The following SHANK2 variants were observed in gnomAD, a reference collection of about 807,000 sequenced individuals.
SHANK2 encodes SH3 and multiple ankyrin repeat domains protein 2.
SHANK2 carries 43 observed loss-of-function variants against 133.7 expected under a neutral mutation model. The ratio of observed to expected loss-of-function variants is 0.32; its 90% CI spans 0.25 to 0.41. The LOEUF (loss-of-function observed/expected upper bound fraction) is 0.41, where lower values mean the gene tolerates loss of function less well. Ranked by LOEUF, SHANK2 falls within the 10% of genes least tolerant of loss-of-function variation. The probability of loss-of-function intolerance (pLI) is 1.00; values close to 1 mark genes in which losing one functional copy is unlikely to be tolerated. For missense variants in SHANK2, 1,994 were observed against 2,235.8 expected (o/e 0.89, Z 2.18); for synonymous variants, 1,017 against 952.8 (o/e 1.07, Z -1.24).
intron 11 of SHANK2, among the ~76,000 whole-genome samples, chr11:70,878,361 C>A (rs1450343423): frequency 6.6e-6 from 1 of 152,216 alleles, no homozygotes; most frequent in African/African-American, 2.4e-5. Context: ...CCCTAACTTC[C>A]CCTCCACATA....
At chr11:70,531,308 G>C (rs1340114843) in intron 17 of SHANK2, among the ~76,000 whole-genome samples, 1 of 152,216 alleles carries the variant, frequency 6.6e-6, no homozygotes, top group East Asian at 1.9e-4. Flanking sequence ...GCCTCTCTGG[G>C]CCTTTGCATC....
At chr11:70,756,116 G>A (rs934719023) in intron 14 of SHANK2, among the ~76,000 whole-genome samples, 9 of 152,052 alleles carry the variant, frequency 5.9e-5, no homozygotes, top group Non-Finnish European at 8.8e-5. Flanking sequence ...TGCAGCCCCC[G>A]TGCGAGCAGG....
chr11:71,101,754 A>G (rs1264270379), intron 6 of SHANK2, among the ~76,000 whole-genome samples: 4 of 152,206 alleles, frequency 2.6e-5, no homozygotes, highest in Non-Finnish European at 5.9e-5. Context: ...TGCTCAGTGC[A>G]CTGGGACCCA....
chr11:70,589,880 A>G (rs7928724), intron 17 of SHANK2, among the ~76,000 whole-genome samples: 117,949 of 152,134 alleles, frequency 0.78, 45,932 homozygotes, highest in East Asian at 0.93. Context: ...CTGGCCGGGC[A>G]CGGTGGCTCA....
intron 15 of SHANK2, among the ~76,000 whole-genome samples, chr11:70,676,539 A>G (rs1023302861): frequency 1.3e-5 from 2 of 152,214 alleles, no homozygotes; most frequent in Admixed American, 6.5e-5. Flanking sequence ...TGCCCGTGCA[A>G]TGGATGCTAG....
chr11:70,628,296 T>TCAA (rs2136503987), intron 17 of SHANK2, among the ~76,000 whole-genome samples: 1 of 152,256 alleles, frequency 6.6e-6, no homozygotes, highest in East Asian at 1.9e-4. Flanking sequence ...ATCCACAGGT[T>TCAA]AGGCTGGGAG....
At chr11:71,093,149 C>T (rs913232842) in intron 7 of SHANK2, among the ~76,000 whole-genome samples, 4 of 150,932 alleles carry the variant, frequency 2.7e-5, no homozygotes, top group East Asian at 2.0e-4. Flanking sequence ...ATTTGGGAGA[C>T]GAGGAGACCT....
intron 4 of SHANK2, 108 bp downstream of exon 4, chr11:71,118,721 C>T: frequency 3.1e-6 from 3 of 957,198 alleles, no homozygotes; most frequent in Non-Finnish European, 4.5e-6. Flanking sequence ...GGGATAATTT[C>T]CCAATGCAAA....
chr11:70,754,439 G>C (rs896277103), intron 14 of SHANK2, among the ~76,000 whole-genome samples: 2 of 152,186 alleles, frequency 1.3e-5, no homozygotes, highest in Non-Finnish European at 2.9e-5. Flanking sequence ...GGAGTGCAAG[G>C]CTGGTTCAAT....
chr11:70,636,187 G>A (rs556138925), intron 17 of SHANK2, among the ~76,000 whole-genome samples: 2 of 152,394 alleles, frequency 1.3e-5, no homozygotes, highest in South Asian at 2.1e-4. Context: ...GAGTATATGC[G>A]TGAGCATGTG....
Position 70,882,163 on chromosome 11 carries a change from T to TGGA in SHANK2, c.1174+14335_1174+14337dup, listed in dbSNP as rs1255657571. The stretch of plus-strand genomic sequence containing the variant: ...ATGCTGGCAGGTGAGACAAACAGCA[T>TGGA]GGAGGAGGAGGAGGAGGGAGGGAGT... On this transcript the variant is annotated intron_variant, in intron 11 of 25. Transcript: ENST00000601538. The surrounding 1 kb of genome is among the most constrained non-coding windows in gnomAD (Gnocchi z 4.2). 2.2e-4 allele frequency among the ~76,000 whole-genome samples: 34 copies of TGGA among 151,444 alleles called. No homozygotes were observed. The highest frequency in any genetic ancestry group is 4.9e-4 in the African/African-American group (20 of 41,168).
chr11:70,657,976 C>G (rs1265848890), intron 17 of SHANK2, among the ~76,000 whole-genome samples: 1 of 152,188 alleles, frequency 6.6e-6, no homozygotes, highest in African/African-American at 2.4e-5. Context: ...GGCCCACACA[C>G]GTGCCTCAGC....
chr11:70,756,929 C>T (rs892060694), intron 14 of SHANK2, among the ~76,000 whole-genome samples: 39 of 152,148 alleles, frequency 2.6e-4, no homozygotes, highest in African/African-American at 8.0e-4. Flanking sequence ...ACCCAGGCTC[C>T]AAACCTCCTG....
At chr11:71,208,766 G>A (rs1555118420) in intron 2 of SHANK2, among the ~76,000 whole-genome samples, 1 of 152,154 alleles carries the variant, frequency 6.6e-6, no homozygotes, top group Non-Finnish European at 1.5e-5. Flanking sequence ...GGCTTAACAA[G>A]AGAGTCTAGG....
intron 15 of SHANK2, among the ~76,000 whole-genome samples, chr11:70,664,560 A>G (rs1305988285): frequency 6.6e-6 from 1 of 152,142 alleles, no homozygotes; most frequent in Non-Finnish European, 1.5e-5. Flanking sequence ...GATCAAGTCC[A>G]TCTCCACCCA....
At chr11:70,813,024 A>G (rs782615808) in intron 12 of SHANK2, among the ~76,000 whole-genome samples, 1 of 152,110 alleles carries the variant, frequency 6.6e-6, no homozygotes, top group Non-Finnish European at 1.5e-5. Context: ...AGTCAGTTAC[A>G]CATTCATTCA....
At chr11:71,072,531 T>C (rs1951157256) in intron 9 of SHANK2, among the ~76,000 whole-genome samples, 2 of 152,202 alleles carry the variant, frequency 1.3e-5, no homozygotes, top group South Asian at 4.1e-4. Context: ...AGGTTCCACT[T>C]GTGGGCATTT....
intron 11 of SHANK2, among the ~76,000 whole-genome samples, chr11:70,847,260 C>G (rs1488217112): frequency 6.6e-6 from 1 of 152,224 alleles, no homozygotes; most frequent in African/African-American, 2.4e-5. Flanking sequence ...GGCCGTCCCT[C>G]CTGCCCACTC....
chr11:70,543,883 T>G (rs1486963602), intron 17 of SHANK2, among the ~76,000 whole-genome samples: 6 of 152,184 alleles, frequency 3.9e-5, no homozygotes, highest in Non-Finnish European at 8.8e-5. Flanking sequence ...TGAATTGAAT[T>G]AGGGGCACCT....
Sources: gnomAD v4.1 joint callset for allele counts (sites outside exome capture counted in the v4.1 genomes callset) on GRCh38, gnomAD v4.1.1 for gene constraint, Gnocchi (gnomAD v3.1) non-coding constraint, MANE v1.5 for transcripts, NCBI Gene and HGNC (gene_info 2026-07-23, HGNC 2026-07-21) for gene names.